CNBD1: variants seen among roughly 807,000 people sequenced by gnomAD.
CNBD1 encodes the protein cyclic nucleotide binding domain containing 1.
In CNBD1, 71 loss-of-function variants were observed where a neutral mutation model predicts 54.4. That is an observed-to-expected ratio of 1.30 (90% CI 1.08 to 1.59). CNBD1 has a LOEUF of 1.59. Among genes scored for constraint, CNBD1 ranks in the 40% most tolerant of loss-of-function variants. The pLI is 0.00. For synonymous variants in CNBD1, 182 were observed against 170.7 expected (o/e 1.07, Z -0.51); for missense variants, 659 against 518.0 (o/e 1.27, Z -2.64).
chr8:86,975,229 TATC>T (rs1477998867), intron 4 of CNBD1, among the ~76,000 whole-genome samples: 3 of 152,092 alleles, frequency 2.0e-5, no homozygotes, highest in African/African-American at 4.8e-5. Flanking sequence ...CTCACATAGT[TATC>T]ATTTCTTTGT....
At chr8:86,975,684 G>A (rs889167087) in intron 4 of CNBD1, among the ~76,000 whole-genome samples, 3 of 152,020 alleles carry the variant, frequency 2.0e-5, no homozygotes, top group Non-Finnish European at 4.4e-5. Flanking sequence ...ATGCTGCAAT[G>A]AATGTGGGAG....
Position 87,345,657 on chromosome 8 carries a change from G to A in CNBD1, c.1043-6028G>A, listed in dbSNP as rs553951481. 2.0e-5 allele frequency among the ~76,000 whole-genome samples: 3 copies of A among 152,228 alleles called. No individual in the cohort carries two copies. In the South Asian group the frequency reaches 6.2e-4, roughly 32 times the overall value. ...GTATCACTTAAATGGTGTCAGAATT[G>A]TAGATTCGAAACTGAACTAAGCAAG... On this transcript the variant is annotated intron_variant, in intron 8 of 10. Coordinates refer to ENST00000518476, the MANE Select transcript of CNBD1 (RefSeq NM_173538.3).
At chr8:87,158,810 A>C (rs1172121667) in intron 4 of CNBD1, among the ~76,000 whole-genome samples, 1 of 152,188 alleles carries the variant, frequency 6.6e-6, no homozygotes, top group Non-Finnish European at 1.5e-5. Context: ...CCAAGGGTTT[A>C]TATAAACTAC....
At chr8:87,415,099 G>T (rs910200908) in intron 2 of CNBD1, among the ~76,000 whole-genome samples, 1 of 152,030 alleles carries the variant, frequency 6.6e-6, no homozygotes, top group African/African-American at 2.4e-5. Flanking sequence ...GTATCACAAG[G>T]ATCTGAGTGT....
chr8:87,050,773 C>T (rs894236339), intron 4 of CNBD1, among the ~76,000 whole-genome samples: 6 of 152,210 alleles, frequency 3.9e-5, no homozygotes, highest in African/African-American at 1.4e-4. Flanking sequence ...AACTAGCTTA[C>T]ATTCCCCACT....
At chr8:87,319,118 G>A (rs750110708) in intron 8 of CNBD1, among the ~76,000 whole-genome samples, 10 of 152,004 alleles carry the variant, frequency 6.6e-5, no homozygotes, top group Non-Finnish European at 1.2e-4. Context: ...GAGAGAAGTG[G>A]CCCCTCAATG....
chr8:87,319,222 G>C (rs531749904), intron 8 of CNBD1, among the ~76,000 whole-genome samples: 2 of 152,074 alleles, frequency 1.3e-5, no homozygotes, highest in Non-Finnish European at 2.9e-5. Flanking sequence ...GTTTCAGGAG[G>C]ATAGTATTAC....
chr8:87,116,663 C>A (rs754449624), intron 4 of CNBD1, among the ~76,000 whole-genome samples: 2 of 152,132 alleles, frequency 1.3e-5, no homozygotes, highest in African/African-American at 4.8e-5. Flanking sequence ...CTCATCTCCT[C>A]CCCACCTAGT....
intron 4 of CNBD1, among the ~76,000 whole-genome samples, chr8:87,205,305 T>A (rs1024531525): frequency 2.6e-5 from 4 of 152,296 alleles, no homozygotes; most frequent in African/African-American, 9.6e-5. Flanking sequence ...GTGCTAGGAT[T>A]ACAGGCGTGA....
At chr8:87,065,686 A>T (rs1810633889) in intron 4 of CNBD1, among the ~76,000 whole-genome samples, 1 of 151,958 alleles carries the variant, frequency 6.6e-6, no homozygotes, top group Admixed American at 6.6e-5. Context: ...TAGTGGGTTT[A>T]CTTTTCTTCA....
intron 1 of CNBD1, among the ~76,000 whole-genome samples, chr8:86,884,847 TA>T (rs1359455039): frequency 6.6e-6 from 1 of 152,226 alleles, no homozygotes; most frequent in Admixed American, 6.5e-5. Flanking sequence ...ATCATTGGAT[TA>T]ATTATTAGAG....
chr8:87,266,142 T>A (rs1383115778), intron 6 of CNBD1, among the ~76,000 whole-genome samples: 1 of 151,914 alleles, frequency 6.6e-6, no homozygotes, highest in Admixed American at 6.6e-5. Flanking sequence ...ATCTTAAAGA[T>A]AAGTGTCCCC....
chr8:86,935,886 G>A (rs967651965), intron 3 of CNBD1, among the ~76,000 whole-genome samples: 8 of 136,680 alleles, frequency 5.9e-5, no homozygotes, highest in African/African-American at 2.1e-4. Context: ...ACTCATGCCT[G>A]TAATCCTAGC....
intron 4 of CNBD1, among the ~76,000 whole-genome samples, chr8:86,959,287 T>C (rs887767861): frequency 1.5e-4 from 23 of 152,352 alleles, no homozygotes; most frequent in African/African-American, 5.1e-4. Flanking sequence ...TAACATTTTT[T>C]CCTTCATTTC....
chr8:87,211,354 G>A (rs1207320089), intron 5 of CNBD1, among the ~76,000 whole-genome samples: 1 of 152,134 alleles, frequency 6.6e-6, no homozygotes, highest in Non-Finnish European at 1.5e-5. Context: ...AGCAAGTTAA[G>A]ACTTTTGGGG....
At chr8:87,181,234 TA>T (rs1813304840) in intron 4 of CNBD1, among the ~76,000 whole-genome samples, 1 of 152,194 alleles carries the variant, frequency 6.6e-6, no homozygotes, top group East Asian at 1.9e-4. Context: ...TTTCTTAAGT[TA>T]TGAATACACA....
intron 5 of CNBD1, among the ~76,000 whole-genome samples, chr8:87,211,536 C>G (rs1814098322): frequency 6.6e-6 from 1 of 152,114 alleles, no homozygotes; most frequent in Non-Finnish European, 1.5e-5. Context: ...GGGTGGGTCC[C>G]TTGTGACTTG....
chr8:87,398,092 C>A, intron 2 of CNBD1, among the ~76,000 whole-genome samples: 1 of 151,452 alleles, frequency 6.6e-6, no homozygotes, highest in Non-Finnish European at 1.5e-5. Context: ...CATCAATTTT[C>A]TCTAAGTTTT....
At chr8:87,322,115 C>T (rs1465442630) in intron 8 of CNBD1, among the ~76,000 whole-genome samples, 1 of 121,260 alleles carries the variant, frequency 8.2e-6, no homozygotes, top group Non-Finnish European at 1.8e-5. Flanking sequence ...AATCCATGTC[C>T]CTACAAAGGA....
Sources: gnomAD v4.1 joint callset for allele counts (sites outside exome capture counted in the v4.1 genomes callset) on GRCh38, gnomAD v4.1.1 for gene constraint, MANE v1.5 for transcripts, NCBI Gene and HGNC (gene_info 2026-07-23, HGNC 2026-07-21) for gene names.